ADAMTSL1: variants seen among roughly 807,000 people sequenced by gnomAD.
The protein encoded by ADAMTSL1 is ADAMTS like 1.
A neutral mutation model predicts 201.8 loss-of-function variants in ADAMTSL1; 126 were observed. The ratio of observed to expected loss-of-function variants is 0.62; its 90% CI spans 0.54 to 0.72. The LOEUF (loss-of-function observed/expected upper bound fraction) is 0.72, where lower values mean the gene tolerates loss of function less well. ADAMTSL1 is among the 30% of genes least tolerant of loss of function. The pLI, the probability that ADAMTSL1 is intolerant of heterozygous loss-of-function variation, is 0.00. For synonymous variants in ADAMTSL1, 1,121 were observed against 903.4 expected, an observed-to-expected ratio of 1.24 and a Z score of -4.32; for missense variants, 2,679 against 2,277.8, an observed-to-expected ratio of 1.18 and a Z score of -3.59.
intron 15 of ADAMTSL1, among the ~76,000 whole-genome samples, chr9:18,745,235 C>A (rs1819065028): frequency 6.6e-6 from 1 of 152,118 alleles, no homozygotes; most frequent in Admixed American, 6.6e-5. Flanking sequence ...CAAATGGTAA[C>A]TTTATAAATT....
At chr9:18,563,374 T>C (rs888060756) in intron 3 of ADAMTSL1, among the ~76,000 whole-genome samples, 1 of 152,158 alleles carries the variant, frequency 6.6e-6, no homozygotes, top group Admixed American at 6.5e-5. Context: ...GCCTGTTGCT[T>C]CCTCTGGAAG....
chr9:18,069,546 C>A (rs1483221822), intron 1 of ADAMTSL1, among the ~76,000 whole-genome samples: 1 of 152,144 alleles, frequency 6.6e-6, no homozygotes, highest in African/African-American at 2.4e-5. Flanking sequence ...TGGTTACAAC[C>A]CATTAACTTG....
At chr9:18,702,421 T>G (rs1057413022) in intron 13 of ADAMTSL1, among the ~76,000 whole-genome samples, 17 of 152,250 alleles carry the variant, frequency 1.1e-4, no homozygotes, top group Non-Finnish European at 2.9e-5. Flanking sequence ...TGCTTCTAAC[T>G]CTATACTAGT....
At chr9:18,486,701 G>T (rs1822014519) in intron 1 of ADAMTSL1, among the ~76,000 whole-genome samples, 1 of 152,038 alleles carries the variant, frequency 6.6e-6, no homozygotes, top group Non-Finnish European at 1.5e-5. Context: ...GTGAGACCTT[G>T]TCTCAAAAAA....
intron 1 of ADAMTSL1, among the ~76,000 whole-genome samples, chr9:17,927,518 C>A (rs964449471): frequency 6.6e-6 from 1 of 151,730 alleles, no homozygotes; most frequent in East Asian, 1.9e-4. Context: ...ATATGGCCCT[C>A]TGTATCTATG....
chr9:17,942,970 G>T (rs548185721), intron 1 of ADAMTSL1, among the ~76,000 whole-genome samples: 3 of 152,198 alleles, frequency 2.0e-5, no homozygotes, highest in African/African-American at 7.2e-5. Flanking sequence ...CATCTAGGCT[G>T]GAGTGCAGTG....
chr9:18,146,938 G>C (rs1313276272), intron 1 of ADAMTSL1, among the ~76,000 whole-genome samples: 1 of 151,992 alleles, frequency 6.6e-6, no homozygotes, highest in Non-Finnish European at 1.5e-5. Flanking sequence ...ATTTCTAAGT[G>C]GCTAACACCT....
At chr9:18,875,509 C>G (rs528796992) in intron 23 of ADAMTSL1, among the ~76,000 whole-genome samples, 1 of 152,108 alleles carries the variant, frequency 6.6e-6, no homozygotes, top group Non-Finnish European at 1.5e-5. Context: ...TCATTGTCGA[C>G]ACAACAGTCA....
rs80198993 is a variant in ADAMTSL1, at chr9:18,769,095, A to T, written c.2218-1507A>T. Among the ~76,000 whole-genome samples the T allele has an allele frequency of 8.1e-3, 1,231 of 152,286 alleles. 20 individuals carry two copies. Among genetic ancestry groups the T allele is most frequent in the African/African-American group, 0.028 (1,168 of 41,550 alleles). On this transcript the variant is annotated intron_variant, in intron 16 of 28. Transcript: ENST00000380548. ...CCCAGGAGACCTTGAGGTGCATGCA[A>T]GGTTGAGACCACTGAGTAAGAAGGT... is the stretch of plus-strand genomic sequence containing the variant.
At chr9:18,807,003 T>C (rs1349366378) in intron 20 of ADAMTSL1, among the ~76,000 whole-genome samples, 1 of 152,152 alleles carries the variant, frequency 6.6e-6, no homozygotes, top group Non-Finnish European at 1.5e-5. Flanking sequence ...GGAACTATAA[T>C]CCAAAAGCTG....
chr9:17,936,270 T>C (rs1421657286), intron 1 of ADAMTSL1, among the ~76,000 whole-genome samples: 1 of 152,144 alleles, frequency 6.6e-6, no homozygotes, highest in African/African-American at 2.4e-5. Context: ...GAAATTCTTG[T>C]TTACTTATGC....
chr9:18,415,782 G>GA (rs1818647593), intron 2 of ADAMTSL1, among the ~76,000 whole-genome samples: 1 of 151,936 alleles, frequency 6.6e-6, no homozygotes, highest in Non-Finnish European at 1.5e-5. Context: ...GTGATAAACA[G>GA]AAAATCTTAA....
intron 4 of ADAMTSL1, among the ~76,000 whole-genome samples, chr9:18,579,292 C>T (rs1822939413): frequency 7.2e-6 from 1 of 138,390 alleles, no homozygotes; most frequent in Admixed American, 8.2e-5. Flanking sequence ...GGGAATTGAA[C>T]AATGAGATCA....
chr9:18,044,854 A>C (rs1290215484), intron 1 of ADAMTSL1, among the ~76,000 whole-genome samples: 1 of 152,206 alleles, frequency 6.6e-6, no homozygotes, highest in Non-Finnish European at 1.5e-5. Flanking sequence ...TTTCTCTGCG[A>C]AGTATGGCTC....
intron 2 of ADAMTSL1, among the ~76,000 whole-genome samples, chr9:18,252,341 G>A (rs182882118): frequency 1.5e-4 from 23 of 152,190 alleles, no homozygotes; most frequent in Non-Finnish European, 2.2e-4. Context: ...CAGAAGAAAT[G>A]CAAATCAAAC....
chr9:18,583,591 G>A (rs1055022560), intron 4 of ADAMTSL1, among the ~76,000 whole-genome samples: 1 of 152,184 alleles, frequency 6.6e-6, no homozygotes. Flanking sequence ...CCATCCTCCA[G>A]ACGCAGAATG....
At chr9:18,693,208 T>A (rs909985523) in intron 13 of ADAMTSL1, among the ~76,000 whole-genome samples, 4 of 152,238 alleles carry the variant, frequency 2.6e-5, no homozygotes, top group African/African-American at 9.6e-5. Context: ...CTGTAAAAAT[T>A]ATTGAAGTCA....
intron 2 of ADAMTSL1, among the ~76,000 whole-genome samples, chr9:18,321,854 C>T (rs1428566897): frequency 6.6e-6 from 1 of 152,092 alleles, no homozygotes; most frequent in Non-Finnish European, 1.5e-5. Context: ...TTTTCAAGTG[C>T]AGTTGGAGTA....
intron 12 of ADAMTSL1, among the ~76,000 whole-genome samples, chr9:18,683,388 C>A (rs375835919): frequency 5.5e-5 from 8 of 146,332 alleles, no homozygotes; most frequent in South Asian, 2.3e-4. Flanking sequence ...CCGTGCCCAG[C>A]TAATTTTTTG....
Sources: allele counts gnomAD v4.1 joint callset (sites outside exome capture counted in the v4.1 genomes callset), GRCh38; gene constraint gnomAD v4.1.1; transcripts MANE v1.5; gene names NCBI Gene and HGNC (gene_info 2026-07-23, HGNC 2026-07-21).